COL22A1: variants seen among roughly 807,000 people sequenced by gnomAD.
COL22A1 encodes collagen type XXII alpha 1 chain.
In COL22A1, 221 loss-of-function variants were observed where a neutral mutation model predicts 248.9. The observed-to-expected ratio is 0.89, with a 90% CI of 0.80 to 0.99. COL22A1 has a LOEUF of 0.99. COL22A1 is among the 50% of genes least tolerant of loss of function. The probability of loss-of-function intolerance (pLI) is 0.00; values close to 1 mark genes in which losing one functional copy is unlikely to be tolerated. For missense variants in COL22A1, 2,240 were observed against 2,179.0 expected (o/e 1.03, Z -0.56); for synonymous variants, 891 against 793.4 (o/e 1.12, Z -2.07).
At chr8:138,681,611 C>T (rs997539397) in intron 39 of COL22A1, among the ~76,000 whole-genome samples, 1 of 152,084 alleles carries the variant, frequency 6.6e-6, no homozygotes, top group African/African-American at 2.4e-5. Flanking sequence ...AGAAGTGGAG[C>T]CCCTGAGCAC....
rs529642190 is a variant in COL22A1 at position 138,867,913 on chromosome 8, T to C, written c.658+9837A>G. On this transcript the variant is annotated intron_variant, in intron 3 of 64. Transcript: ENST00000303045. Reference sequence around the variant, plus strand: ...CTGAGCAGCTGGGATTATAGGCACATGCCAACATGCCTGGCTAACTTTTGT... The same window carrying C: ...CTGAGCAGCTGGGATTATAGGCACACGCCAACATGCCTGGCTAACTTTTGT... Among the ~76,000 whole-genome samples the C allele has an allele frequency of 1.2e-4, 18 of 152,248 alleles. No homozygotes were observed. In the South Asian group the frequency reaches 3.7e-3, roughly 32 times the overall value.
chr8:138,858,974 G>A (rs761350015), intron 3 of COL22A1, among the ~76,000 whole-genome samples: 6 of 152,240 alleles, frequency 3.9e-5, no homozygotes, highest in Middle Eastern at 3.4e-3. Context: ...GCCAGGCCTC[G>A]TCCCAGCGTT....
In COL22A1 at chr8:138,738,888, G is replaced by A. The variant is rs148228977; in HGVS notation, c.2086-1311C>T. Reference sequence around the variant, plus strand: ...GACTCTTGCTTTTCTCTACTGTCCCGGAATCTCCAACTCAGGCACACCCTG... The same window carrying A: ...GACTCTTGCTTTTCTCTACTGTCCCAGAATCTCCAACTCAGGCACACCCTG... On this transcript the variant is annotated intron_variant, in intron 22 of 64. Coordinates refer to ENST00000303045, the MANE Select transcript of COL22A1 (RefSeq NM_152888.3). 1.1e-3 allele frequency among the ~76,000 whole-genome samples: 173 copies of A among 152,060 alleles called. 1 individual carries two copies. Among genetic ancestry groups the A allele is most frequent in the African/African-American group, 4.0e-3 (164 of 41,452 alleles).
intron 34 of COL22A1, 47 bp downstream of exon 34, chr8:138,694,461 G>A (rs1259472057): frequency 1.3e-6 from 2 of 1,578,500 alleles, no homozygotes; most frequent in East Asian, 4.5e-5. Flanking sequence ...AGTGTGGCTG[G>A]GATCTCCAAG....
intron 11 of COL22A1, among the ~76,000 whole-genome samples, chr8:138,802,343 C>G (rs1359211189): frequency 6.6e-6 from 1 of 151,990 alleles, no homozygotes; most frequent in Admixed American, 6.5e-5. Flanking sequence ...AACTCTGTGA[C>G]TATAAATCAC....
At chr8:138,735,091 G>A (rs570070262) in intron 23 of COL22A1, among the ~76,000 whole-genome samples, 1 of 152,100 alleles carries the variant, frequency 6.6e-6, no homozygotes, top group African/African-American at 2.4e-5. Context: ...CTAGATGACG[G>A]GTTGATAGGT....
intron 10 of COL22A1, among the ~76,000 whole-genome samples, chr8:138,806,113 TGA>T (rs1192429825): frequency 8.1e-6 from 1 of 123,942 alleles, no homozygotes; most frequent in Non-Finnish European, 1.7e-5. Flanking sequence ...TGTTTGTGTG[TGA>T]TGGTGTAGGT....
At position 138,821,285 on chromosome 8, in the gene COL22A1, T is replaced by C; in HGVS notation, c.1096A>G (p.Lys366Glu). The change falls in exon 7 of 65, where the codon AAG becomes GAG. Residue 366 changes from lysine (K) to glutamate (E), a missense_variant. By Grantham distance (56) the Lys-to-Glu change is moderately conservative. Coordinates refer to ENST00000303045, the MANE Select transcript of COL22A1 (RefSeq NM_152888.3). ...VNDLFDRDWH[K>E]MALSIQAQNV... Reference sequence around the variant, plus strand: ...TGGGCCTGGATGCTCAGGGCCATCTTGTGCCAGTCCCGGTCAAAGAGGTCA... The same window carrying C: ...TGGGCCTGGATGCTCAGGGCCATCTCGTGCCAGTCCCGGTCAAAGAGGTCA... 1 of 1,614,216 alleles carries C rather than the reference T, an allele frequency of 6.2e-7. No individual in the cohort carries two copies. Among genetic ancestry groups the C allele is most frequent in the Non-Finnish European group, 8.5e-7 (1 of 1,180,032 alleles).
intron 16 of COL22A1, among the ~76,000 whole-genome samples, chr8:138,771,066 C>T (rs766490251): frequency 6.6e-5 from 10 of 152,322 alleles, no homozygotes; most frequent in Non-Finnish European, 1.2e-4. Flanking sequence ...TCACACTGCT[C>T]GCAGAGCCCC....
intron 1 of COL22A1, among the ~76,000 whole-genome samples, chr8:138,887,133 T>C (rs1203270859): frequency 6.6e-6 from 1 of 152,160 alleles, no homozygotes; most frequent in Non-Finnish European, 1.5e-5. Context: ...TGTCAAATAG[T>C]AGATATTATT....
At chr8:138,745,071 G>C (rs62530663) in intron 22 of COL22A1, among the ~76,000 whole-genome samples, 1 of 152,120 alleles carries the variant, frequency 6.6e-6, no homozygotes, top group East Asian at 1.9e-4. Flanking sequence ...CACGTTTCTG[G>C]ATATATTTCT....
intron 45 of COL22A1, among the ~76,000 whole-genome samples, chr8:138,650,711 TAGATAGAC>T (rs1290598138): frequency 6.4e-5 from 5 of 77,662 alleles, no homozygotes; most frequent in South Asian, 3.6e-4. Context: ...GATAGATAGA[TAGATAGAC>T]AGATAGACAG....
At chr8:138,856,820 C>T (rs1319136585) in intron 3 of COL22A1, among the ~76,000 whole-genome samples, 1 of 152,200 alleles carries the variant, frequency 6.6e-6, no homozygotes, top group African/African-American at 2.4e-5. Context: ...CTAGGGCATA[C>T]TGCCAGTGAC....
rs1821020731 is a variant in COL22A1, at chr8:138,634,922, T to A, written c.3609+88A>T. 5.5e-6 allele frequency: 5 copies of A among 906,954 alleles called. No individual in the cohort carries two copies. In the East Asian group the frequency reaches 1.2e-4, roughly 23 times the overall value. 56.2% of individuals were successfully genotyped at this position (906,954 alleles called of 1,614,324 possible). ...GGGCCATCCCTTAAAATGAGAGATA[T>A]GCTCAGTGTCATACCATGCCTGGTG... On this transcript the variant is annotated intron_variant, in intron 49 of 64. Transcript: ENST00000303045.
At chr8:138,779,615 A>G in intron 13 of COL22A1, 53 bp from the exon 14 acceptor site, 1 of 1,260,352 alleles carries the variant, frequency 7.9e-7, no homozygotes, top group Non-Finnish European at 1.2e-6. Context: ...AGGCCCAGGT[A>G]CACCAGAGAA....
intron 45 of COL22A1, among the ~76,000 whole-genome samples, chr8:138,652,987 T>A (rs1822897096): frequency 6.6e-6 from 1 of 152,000 alleles, no homozygotes; most frequent in Non-Finnish European, 1.5e-5. Context: ...CCTCAAGTGA[T>A]CCACCTGCTT....
chr8:138,902,735 T>TACACAC (rs1275091313), intron 1 of COL22A1, among the ~76,000 whole-genome samples: 110 of 90,344 alleles, frequency 1.2e-3, no homozygotes, highest in Middle Eastern at 5.3e-3. Context: ...AATATATATA[T>TACACAC]ATATACACAC....
chr8:138,781,607 C>T (rs576151153), intron 12 of COL22A1, among the ~76,000 whole-genome samples: 2 of 152,334 alleles, frequency 1.3e-5, no homozygotes, highest in East Asian at 3.9e-4. Flanking sequence ...TGAATAAACA[C>T]GGTGCAGCTG....
intron 4 of COL22A1, among the ~76,000 whole-genome samples, chr8:138,836,776 C>A (rs1249460798): frequency 6.6e-6 from 1 of 152,236 alleles, no homozygotes; most frequent in Non-Finnish European, 1.5e-5. Context: ...GAGTCCCAGT[C>A]AAACTGCATT....
Sources: allele counts gnomAD v4.1 joint callset (sites outside exome capture counted in the v4.1 genomes callset), GRCh38; gene constraint gnomAD v4.1.1; transcripts MANE v1.5; gene names NCBI Gene and HGNC (gene_info 2026-07-23, HGNC 2026-07-21).